Variants in CNIH3 observed in about 807,000 individuals in gnomAD.
CNIH3 encodes the protein cornichon family AMPA receptor auxiliary protein 3, also known as protein cornichon homolog 3.
In CNIH3, 14 loss-of-function variants were observed where a neutral mutation model predicts 24.1. The ratio of observed to expected loss-of-function variants is 0.58; its 90% CI spans 0.38 to 0.91. The LOEUF is 0.91. Ranked by LOEUF, CNIH3 falls within the 40% of genes least tolerant of loss-of-function variation. The pLI is 0.00. For synonymous variants in CNIH3, 68 were observed against 73.8 expected, an observed-to-expected ratio of 0.92 and a Z score of 0.40; for missense variants, 178 against 196.8, an observed-to-expected ratio of 0.90 and a Z score of 0.57.
chr1:224,497,948 A>T (rs1008382165), intron 1 of CNIH3, among the ~76,000 whole-genome samples: 3 of 152,222 alleles, frequency 2.0e-5, no homozygotes, highest in African/African-American at 7.2e-5. Context: ...AGCTCATCAC[A>T]TTAATCATAT....
chr1:224,640,883 G>T (rs1684325503), intron 1 of CNIH3, among the ~76,000 whole-genome samples: 1 of 152,228 alleles, frequency 6.6e-6, no homozygotes, highest in Non-Finnish European at 1.5e-5. Context: ...CCAGCTGCTT[G>T]TTGTGTTCTA....
At chr1:224,462,897 C>CTT (rs71572901) in intron 1 of CNIH3, among the ~76,000 whole-genome samples, 800 of 73,412 alleles carry the variant, frequency 0.011, 5 homozygotes, top group African/African-American at 0.016. Flanking sequence ...ATATGTTTAA[C>CTT]TTTTTTTTTT....
intron 4 of CNIH3, among the ~76,000 whole-genome samples, chr1:224,567,170 T>C (rs888215993): frequency 4.6e-5 from 7 of 152,264 alleles, no homozygotes; most frequent in Non-Finnish European, 8.8e-5. Flanking sequence ...TGTCTTCTTT[T>C]GAGAAGTGCC....
intron 2 of CNIH3, among the ~76,000 whole-genome samples, chr1:224,545,012 G>C (rs1188702550): frequency 6.6e-6 from 1 of 152,194 alleles, no homozygotes; most frequent in African/African-American, 2.4e-5. Context: ...CAAACTCAGA[G>C]GTCCTGCTCA....
intron 3 of CNIH3, among the ~76,000 whole-genome samples, chr1:224,556,385 G>A (rs1680141768): frequency 6.6e-6 from 1 of 152,108 alleles, no homozygotes; most frequent in Non-Finnish European, 1.5e-5. Context: ...AATAGTACCC[G>A]CTTCATAGAT....
At chr1:224,605,845 C>T (rs1045762786) in intron 3 of CNIH3, among the ~76,000 whole-genome samples, 2 of 152,220 alleles carry the variant, frequency 1.3e-5, no homozygotes, top group African/African-American at 4.8e-5. Flanking sequence ...CCCCTAATCT[C>T]CAAGCCTTCA....
intron 1 of CNIH3, among the ~76,000 whole-genome samples, chr1:224,493,205 T>C (rs903950228): frequency 2.0e-5 from 3 of 152,236 alleles, no homozygotes; most frequent in African/African-American, 7.2e-5. Flanking sequence ...TGGCTAGTCT[T>C]TGTATATAAA....
At chr1:224,434,750 C>A (rs1237208144) in exon 1 of CNIH3, 2 of 987,036 alleles carry the variant, frequency 2.0e-6, no homozygotes, top group African/African-American at 3.5e-5. Flanking sequence ...CGGATCCGCT[C>A]CGCTCTGCTC....
chr1:224,472,436 T>C (rs1377582774), intron 1 of CNIH3, among the ~76,000 whole-genome samples: 2 of 152,154 alleles, frequency 1.3e-5, no homozygotes, highest in African/African-American at 2.4e-5. Context: ...TATGTATACA[T>C]CATGGAATAC....
chr1:224,716,853 C>T (rs1688456118), intron 3 of CNIH3, among the ~76,000 whole-genome samples: 1 of 152,272 alleles, frequency 6.6e-6, no homozygotes, highest in East Asian at 1.9e-4. Context: ...ACGGGAAGTG[C>T]TGTCTTCTGG....
At chr1:224,460,965 T>C (rs917334556) in intron 1 of CNIH3, among the ~76,000 whole-genome samples, 3 of 151,762 alleles carry the variant, frequency 2.0e-5, no homozygotes, top group African/African-American at 7.2e-5. Context: ...ATTATGACTT[T>C]ACCCTTAATT....
chr1:224,715,961 C>G (rs1232185738), intron 3 of CNIH3, among the ~76,000 whole-genome samples: 4 of 152,172 alleles, frequency 2.6e-5, no homozygotes, highest in African/African-American at 9.7e-5. Context: ...TTTTCTTTCA[C>G]CCCTAAAAAT....
intron 3 of CNIH3, among the ~76,000 whole-genome samples, chr1:224,597,306 A>G (rs1290299590): frequency 1.3e-5 from 2 of 152,128 alleles, no homozygotes; most frequent in African/African-American, 4.8e-5. Flanking sequence ...CGAGCTGGCC[A>G]TGAAGGAATT....
intron 3 of CNIH3, among the ~76,000 whole-genome samples, chr1:224,564,853 T>C (rs1016223453): frequency 5.3e-5 from 8 of 152,212 alleles, no homozygotes; most frequent in African/African-American, 1.9e-4. Context: ...TAACGATACC[T>C]GGATAGATAC....
chr1:224,726,855 A>G (rs988805857), intron 3 of CNIH3, among the ~76,000 whole-genome samples: 14 of 151,894 alleles, frequency 9.2e-5, no homozygotes, highest in African/African-American at 3.1e-4. Flanking sequence ...AAAGAATGAG[A>G]TTGGCACCAT....
upstream of CNIH3, among the ~76,000 whole-genome samples, chr1:224,612,247 A>C (rs1682735404): frequency 6.6e-6 from 1 of 152,214 alleles, no homozygotes; most frequent in Non-Finnish European, 1.5e-5. The surrounding 1 kb of genome is among the most constrained non-coding windows in gnomAD (Gnocchi z 4.7). Flanking sequence ...AGAGTACGGA[A>C]TTACTGGGGT....
At chr1:224,452,093 A>G (rs943001208) in intron 1 of CNIH3, among the ~76,000 whole-genome samples, 2 of 151,014 alleles carry the variant, frequency 1.3e-5, no homozygotes, top group Non-Finnish European at 2.9e-5. Context: ...TCCATGTTGC[A>G]CTATTATTTT....
intron 3 of CNIH3, among the ~76,000 whole-genome samples, chr1:224,691,019 G>A (rs1282326644): frequency 6.6e-6 from 1 of 152,212 alleles, no homozygotes; most frequent in African/African-American, 2.4e-5. Flanking sequence ...TCCATGATGT[G>A]GTTCTGAAAG....
At chr1:224,459,328 C>T in intron 1 of CNIH3, 1 of 583,252 alleles carries the variant, frequency 1.7e-6, no homozygotes, top group Non-Finnish European at 2.2e-6. Flanking sequence ...GGGTCTTTAA[C>T]AAAGTGATGA....
Sources: allele counts gnomAD v4.1 joint callset (sites outside exome capture counted in the v4.1 genomes callset), GRCh38; gene constraint gnomAD v4.1.1; non-coding constraint Gnocchi (gnomAD v3.1); transcripts MANE v1.5; gene names NCBI Gene and HGNC (gene_info 2026-07-23, HGNC 2026-07-21).